The following LDLRAD4 variants were observed in gnomAD, a reference collection of about 807,000 sequenced individuals.
LDLRAD4 encodes the protein low density lipoprotein receptor class A domain containing 4.
In LDLRAD4, 5 loss-of-function variants were observed where a neutral mutation model predicts 17.0. That is an observed-to-expected ratio of 0.29 (90% CI 0.15 to 0.62). The LOEUF is 0.62. Among genes scored for constraint, LDLRAD4 ranks in the 20% least tolerant of loss-of-function variants. The probability of loss-of-function intolerance (pLI) is 0.84; values close to 1 mark genes in which losing one functional copy is unlikely to be tolerated. For missense variants in LDLRAD4, 340 were observed against 424.7 expected, an observed-to-expected ratio of 0.80 and a Z score of 1.75; for synonymous variants, 168 against 171.8, an observed-to-expected ratio of 0.98 and a Z score of 0.17.
At chr18:13,397,035 G>T (rs1432984647) in intron 2 of LDLRAD4, among the ~76,000 whole-genome samples, 1 of 152,254 alleles carries the variant, frequency 6.6e-6, no homozygotes, top group Admixed American at 6.5e-5. Flanking sequence ...ATGGGGGTGT[G>T]CCCATTTCAC....
At chr18:13,563,687 G>A (rs8088049) in intron 3 of LDLRAD4, among the ~76,000 whole-genome samples, 25,827 of 152,002 alleles carry the variant, frequency 0.17, 2,418 homozygotes, top group East Asian at 0.32. Context: ...TAAACGGGAG[G>A]CTCCGTCCTT....
chr18:13,610,265 A>ATTT lies in LDLRAD4; in HGVS notation c.182-10814_182-10812dup, dbSNP rs1157718015. Among the ~76,000 whole-genome samples the ATTT allele has an allele frequency of 6.1e-4, 38 of 62,508 alleles. 6 individuals carry two copies. Among genetic ancestry groups the ATTT allele is most frequent in the African/African-American group, 7.1e-4 (13 of 18,412 alleles). The allele number at this position is 62,508 out of a possible 152,430, so 41.0% of individuals were successfully genotyped here. On this transcript the variant is annotated intron_variant, in intron 3 of 5. Coordinates refer to ENST00000359446, the Ensembl canonical transcript of LDLRAD4. ...TTCCATGAAGTTCACCAAAGCCCTA[A>ATTT]TTTTTTTTTTTTTTTTTTTTTTTTT... is the stretch of plus-strand genomic sequence containing the variant.
intron 3 of LDLRAD4, among the ~76,000 whole-genome samples, chr18:13,474,928 G>T (rs1394298572): frequency 2.0e-5 from 3 of 152,182 alleles, no homozygotes; most frequent in African/African-American, 7.2e-5. Flanking sequence ...GCTGAGTCCT[G>T]CTTATCTGGG....
chr18:13,378,491 G>C (rs1205281948), intron 1 of LDLRAD4, among the ~76,000 whole-genome samples: 1 of 152,212 alleles, frequency 6.6e-6, no homozygotes, highest in Non-Finnish European at 1.5e-5. Context: ...AGAGACGGAA[G>C]AACAGCAGAC....
intron 1 of LDLRAD4, among the ~76,000 whole-genome samples, chr18:13,258,694 A>G (rs545481766): frequency 6.6e-6 from 1 of 152,292 alleles, no homozygotes; most frequent in East Asian, 1.9e-4. Flanking sequence ...ATATTTGCCA[A>G]TTGATAAATT....
intron 3 of LDLRAD4, among the ~76,000 whole-genome samples, chr18:13,583,328 G>A (rs567995712): frequency 2.6e-5 from 4 of 152,224 alleles, no homozygotes; most frequent in Admixed American, 1.3e-4. Context: ...AGATGACAAG[G>A]TGAGGTGGAG....
At chr18:13,275,829 C>T (rs914924300), upstream of LDLRAD4, among the ~76,000 whole-genome samples, 1 of 152,078 alleles carries the variant, frequency 6.6e-6, no homozygotes. Flanking sequence ...TTAGGGATGC[C>T]AGGATGACGG....
rs989918981 is a variant in LDLRAD4 at position 13,245,817 on chromosome 18, G to A, written c.-467+26829G>A. On this transcript the variant is annotated intron_variant, in intron 1 of 5. Coordinates refer to the LDLRAD4 transcript ENST00000399848. ...TGGTGTGCATGCTGGCTGTTCTCCA[G>A]CCTCTCTTCCTCTTGATTTTCTTGT... 3.3e-5 allele frequency among the ~76,000 whole-genome samples: 5 copies of A among 152,210 alleles called. No homozygotes were observed. The East Asian group carries it at 9.6e-4, about 29-fold the overall frequency.
intron 1 of LDLRAD4, among the ~76,000 whole-genome samples, chr18:13,324,340 T>C (rs7235381): frequency 0.97 from 147,735 of 151,702 alleles, 72,055 homozygotes; most frequent in East Asian, 1. Context: ...GATGGGGTTT[T>C]ACCATGTTAG....
chr18:13,510,612 T>C (rs1051495666), intron 3 of LDLRAD4, among the ~76,000 whole-genome samples: 1 of 152,136 alleles, frequency 6.6e-6, no homozygotes, highest in African/African-American at 2.4e-5. Context: ...AATCCAGAAT[T>C]CATGACTATA....
At chr18:13,393,657 A>C (rs1035794229) in intron 2 of LDLRAD4, among the ~76,000 whole-genome samples, 7 of 152,068 alleles carry the variant, frequency 4.6e-5, no homozygotes, top group African/African-American at 1.7e-4. Context: ...TCCTCTCTCT[A>C]GTTCTGCCGA....
intron 1 of LDLRAD4, among the ~76,000 whole-genome samples, chr18:13,247,467 A>T (rs1567929865): frequency 6.6e-6 from 1 of 152,212 alleles, no homozygotes; most frequent in Non-Finnish European, 1.5e-5. Flanking sequence ...CCAGGATGCC[A>T]TGTTGCATCT....
intron 3 of LDLRAD4, among the ~76,000 whole-genome samples, chr18:13,598,460 C>G (rs2095120640): frequency 6.6e-6 from 1 of 152,244 alleles, no homozygotes; most frequent in South Asian, 2.1e-4. Context: ...GCATAAATCA[C>G]TACAGAGTCT....
intron 1 of LDLRAD4, among the ~76,000 whole-genome samples, chr18:13,341,346 T>A (rs955415994): frequency 3.9e-5 from 6 of 152,144 alleles, no homozygotes; most frequent in Non-Finnish European, 5.9e-5. Context: ...AAAATATTAT[T>A]TTCTAATCCA....
intron 3 of LDLRAD4, among the ~76,000 whole-genome samples, chr18:13,569,810 G>T (rs777649599): frequency 1.3e-5 from 2 of 152,172 alleles, no homozygotes; most frequent in African/African-American, 4.8e-5. Flanking sequence ...GCTTGAACCC[G>T]GAAGGCAGAG....
intron 1 of LDLRAD4, among the ~76,000 whole-genome samples, chr18:13,244,965 G>A (rs1463576339): frequency 2.0e-5 from 3 of 152,230 alleles, no homozygotes; most frequent in Non-Finnish European, 2.9e-5. Context: ...CATCTGGTCC[G>A]TCTGTGGCCC....
At chr18:13,381,717 T>C (rs1034080132) in intron 1 of LDLRAD4, among the ~76,000 whole-genome samples, 1 of 152,238 alleles carries the variant, frequency 6.6e-6, no homozygotes, top group African/African-American at 2.4e-5. Flanking sequence ...GTGGGACACC[T>C]GGTCCCAGCT....
At chr18:13,565,397 G>T (rs1264091058) in intron 3 of LDLRAD4, among the ~76,000 whole-genome samples, 1 of 152,234 alleles carries the variant, frequency 6.6e-6, no homozygotes, top group Non-Finnish European at 1.5e-5. Flanking sequence ...GCCAGGGCCC[G>T]GCCGTGCTGG....
At chr18:13,255,832 C>T (rs1340182051) in intron 1 of LDLRAD4, among the ~76,000 whole-genome samples, 6 of 152,128 alleles carry the variant, frequency 3.9e-5, no homozygotes, top group Non-Finnish European at 8.8e-5. Flanking sequence ...GTCTGAATTT[C>T]TGCTGAGCAC....
Sources: allele counts gnomAD v4.1 joint callset (sites outside exome capture counted in the v4.1 genomes callset), GRCh38; gene constraint gnomAD v4.1.1; transcripts MANE v1.5; gene names NCBI Gene and HGNC (gene_info 2026-07-23, HGNC 2026-07-21).